Variants in STX8 observed in about 807,000 individuals in gnomAD.
STX8 encodes the protein syntaxin-8.
STX8 carries 23 observed loss-of-function variants against 37.5 expected under a neutral mutation model. The ratio of observed to expected loss-of-function variants is 0.61; its 90% CI spans 0.44 to 0.87. The LOEUF (loss-of-function observed/expected upper bound fraction) is 0.87, where lower values mean the gene tolerates loss of function less well. Among genes scored for constraint, STX8 ranks in the 40% least tolerant of loss-of-function variants. The pLI is 0.00. For missense variants in STX8, 313 were observed against 284.7 expected, an observed-to-expected ratio of 1.10 and a Z score of -0.71; for synonymous variants, 115 against 99.1, an observed-to-expected ratio of 1.16 and a Z score of -0.95.
chr17:9,349,181 A>G (rs1335439846), intron 7 of STX8, among the ~76,000 whole-genome samples: 3 of 151,838 alleles, frequency 2.0e-5, no homozygotes, highest in Non-Finnish European at 4.4e-5. Context: ...TAGTAGGGAC[A>G]GCATTTCACC....
intron 7 of STX8, among the ~76,000 whole-genome samples, chr17:9,312,322 C>T (rs1909219684): frequency 6.6e-6 from 1 of 152,080 alleles, no homozygotes; most frequent in Non-Finnish European, 1.5e-5. Flanking sequence ...CTGCCTTGGC[C>T]TCCTGAGTAG....
chr17:9,574,181 G>A (rs563391020), intron 1 of STX8, among the ~76,000 whole-genome samples: 127 of 151,770 alleles, frequency 8.4e-4, no homozygotes, highest in African/African-American at 3.0e-3. Context: ...TGAGGCAGGA[G>A]AGTTGCTTAA....
At chr17:9,324,002 C>T (rs544691720) in intron 7 of STX8, among the ~76,000 whole-genome samples, 68 of 152,152 alleles carry the variant, frequency 4.5e-4, no homozygotes, top group Non-Finnish European at 8.4e-4. Context: ...GTGGATCTGA[C>T]ATCATGGCCA....
At chr17:9,574,032 AG>A (rs1324968012) in intron 1 of STX8, among the ~76,000 whole-genome samples, 2 of 152,170 alleles carry the variant, frequency 1.3e-5, no homozygotes, top group Non-Finnish European at 2.9e-5. Context: ...GCACTTTGGG[AG>A]GCCAAGGCGG....
rs546403129 is a variant in STX8, at chr17:9,352,656, C to T, written c.643+25896G>A. Among the ~76,000 whole-genome samples, 760 of 151,646 alleles carry T rather than the reference C, an allele frequency of 5.0e-3. 2 individuals are homozygous for T. The highest frequency in any genetic ancestry group is 0.017 in the African/African-American group (715 of 41,356). ...CTGGGACTACAGGCGCCCGCCATCA[C>T]GCCCGGCTAATTTTTTTGTATTTTT... On this transcript the variant is annotated intron_variant, in intron 7 of 7. Transcript: ENST00000306357.
chr17:9,269,392 G>T (rs941468175), intron 7 of STX8, among the ~76,000 whole-genome samples: 23 of 152,170 alleles, frequency 1.5e-4, no homozygotes, highest in African/African-American at 5.1e-4. Context: ...GAGGCAGATT[G>T]ATGGCCACAG....
chr17:9,278,943 G>A (rs1371447857), intron 7 of STX8, among the ~76,000 whole-genome samples: 1 of 152,092 alleles, frequency 6.6e-6, no homozygotes, highest in Non-Finnish European at 1.5e-5. Context: ...TTTACAGAGA[G>A]TCTATTGCAC....
At chr17:9,533,506 ACTT>A (rs61539706) in intron 4 of STX8, among the ~76,000 whole-genome samples, 40 of 152,318 alleles carry the variant, frequency 2.6e-4, no homozygotes, top group African/African-American at 8.9e-4. Context: ...CTTCAAAAGT[ACTT>A]CTCCTAAGCC....
At chr17:9,296,629 TAAAA>T (rs56185238) in intron 7 of STX8, among the ~76,000 whole-genome samples, 28 of 140,350 alleles carry the variant, frequency 2.0e-4, no homozygotes, top group African/African-American at 3.9e-4. Flanking sequence ...GTTGAAAGAC[TAAAA>T]AAAAAAAAAA....
chr17:9,267,094 G>A (rs914792427), intron 7 of STX8, among the ~76,000 whole-genome samples: 8 of 152,176 alleles, frequency 5.3e-5, no homozygotes, highest in South Asian at 4.1e-4. Flanking sequence ...GGGTGAACGC[G>A]TGTGTGAGTT....
chr17:9,536,320 T>C (rs558737965), intron 4 of STX8, among the ~76,000 whole-genome samples: 28 of 152,200 alleles, frequency 1.8e-4, no homozygotes, highest in African/African-American at 6.5e-4. Context: ...TATCGGGAGA[T>C]GAAGGGAAAT....
At chr17:9,305,493 G>C (rs1908949250) in intron 7 of STX8, 1 of 152,170 alleles carries the variant, frequency 6.6e-6, no homozygotes. Context: ...AGGTAAGCTA[G>C]GCTAAACTAT....
chr17:9,469,404 C>T (rs572741542), intron 6 of STX8, among the ~76,000 whole-genome samples: 1 of 152,012 alleles, frequency 6.6e-6, no homozygotes, highest in South Asian at 2.1e-4. Context: ...AAAGATGTTC[C>T]ATGTCTCTTT....
intron 7 of STX8, among the ~76,000 whole-genome samples, chr17:9,289,228 T>C (rs1329849432): frequency 3.3e-5 from 5 of 152,318 alleles, no homozygotes; most frequent in South Asian, 2.1e-4. Context: ...GGACAAGTAC[T>C]ATCTCAAGAA....
chr17:9,342,559 C>A (rs573794420), intron 7 of STX8, among the ~76,000 whole-genome samples: 76 of 152,270 alleles, frequency 5.0e-4, no homozygotes, highest in Middle Eastern at 6.8e-3. Flanking sequence ...ACGGGAAGAA[C>A]AGTGGTGCCA....
At chr17:9,339,070 C>CAAAAAAAAA (rs34987749) in intron 7 of STX8, among the ~76,000 whole-genome samples, 4 of 70,020 alleles carry the variant, frequency 5.7e-5, no homozygotes, top group African/African-American at 2.6e-4. Flanking sequence ...GACTCCGTCT[C>CAAAAAAAAA]AAAAAAAAAA....
At chr17:9,349,486 A>G (rs939232012) in intron 7 of STX8, among the ~76,000 whole-genome samples, 27 of 150,606 alleles carry the variant, frequency 1.8e-4, no homozygotes, top group African/African-American at 6.6e-4. Flanking sequence ...ACGCCTGGCT[A>G]ATTTTTTGTA....
At chr17:9,417,560 C>T (rs1913245639) in intron 6 of STX8, among the ~76,000 whole-genome samples, 1 of 152,058 alleles carries the variant, frequency 6.6e-6, no homozygotes, top group African/African-American at 2.4e-5. Context: ...ATAAAAAACC[C>T]CTTGTTAAGC....
At chr17:9,396,445 GGCTGAGGTGGGCGGGTCATCTGAGGTCA>G (rs1218810597) in intron 6 of STX8, among the ~76,000 whole-genome samples, 66 of 152,192 alleles carry the variant, frequency 4.3e-4, no homozygotes, top group East Asian at 2.1e-3. Context: ...CACTTTGGGA[GGCTGAGGTGGGCGGGTCATCTGAGGTCA>G]GCTGAGGTGG....
Sources: allele counts gnomAD v4.1 joint callset (sites outside exome capture counted in the v4.1 genomes callset), GRCh38; gene constraint gnomAD v4.1.1; transcripts MANE v1.5; gene names NCBI Gene and HGNC (gene_info 2026-07-23, HGNC 2026-07-21).